TCF20: variants seen among roughly 807,000 people sequenced by gnomAD.
The protein encoded by TCF20 is SPRE-binding protein.
A neutral mutation model predicts 148.6 loss-of-function variants in TCF20; 3 were observed. The ratio of observed to expected loss-of-function variants is 0.02; its 90% CI spans 0.01 to 0.05. The LOEUF (loss-of-function observed/expected upper bound fraction) is 0.05, where lower values mean the gene tolerates loss of function less well. TCF20 is among the 10% of genes least tolerant of loss of function. TCF20 has a pLI of 1.00. For synonymous variants in TCF20, 1,049 were observed against 909.5 expected (o/e 1.15, Z -2.76); for missense variants, 2,350 against 2,429.3 (o/e 0.97, Z 0.69).
chr22:42,300,620 G>A (rs1927320331), intron 1 of TCF20, among the ~76,000 whole-genome samples: 1 of 152,134 alleles, frequency 6.6e-6, no homozygotes, highest in Non-Finnish European at 1.5e-5. Context: ...GAAGCCTCCT[G>A]CGGTCAGCAG....
At chr22:42,341,328 C>T (rs1009867235) in intron 1 of TCF20, among the ~76,000 whole-genome samples, 3 of 152,150 alleles carry the variant, frequency 2.0e-5, no homozygotes, top group South Asian at 2.1e-4. Flanking sequence ...CCCTGGCGCT[C>T]GGCCAGAGGG....
intron 1 of TCF20, among the ~76,000 whole-genome samples, chr22:42,220,318 A>G (rs1922238506): frequency 6.6e-6 from 1 of 152,004 alleles, no homozygotes; most frequent in African/African-American, 2.4e-5. Context: ...CAGGCATGGG[A>G]CCCCTGGCTA....
At chr22:42,190,247 C>T (rs958785300) in intron 2 of TCF20, among the ~76,000 whole-genome samples, 3 of 152,004 alleles carry the variant, frequency 2.0e-5, no homozygotes, top group African/African-American at 7.2e-5. Context: ...CTGCCTGAGG[C>T]CAGGAGTTCA....
At chr22:42,342,163 C>T (rs1357031229) in intron 1 of TCF20, among the ~76,000 whole-genome samples, 2 of 152,056 alleles carry the variant, frequency 1.3e-5, no homozygotes, top group Non-Finnish European at 2.9e-5. Context: ...TTGTGGACAG[C>T]TGAAGAGTTT....
chr22:42,336,265 T>C (rs533481629), intron 1 of TCF20, among the ~76,000 whole-genome samples: 1 of 152,208 alleles, frequency 6.6e-6, no homozygotes, highest in African/African-American at 2.4e-5. Context: ...TGACCTGGCA[T>C]GGCTCGGGTA....
chr22:42,231,199 T>C (rs1024125858), intron 1 of TCF20, among the ~76,000 whole-genome samples: 4 of 152,078 alleles, frequency 2.6e-5, no homozygotes, highest in African/African-American at 7.2e-5. Flanking sequence ...GCTTATAAAG[T>C]GGCTAGGCCT....
chr22:42,197,303 C>A (rs1330261823), intron 2 of TCF20, among the ~76,000 whole-genome samples: 1 of 151,044 alleles, frequency 6.6e-6, no homozygotes, highest in African/African-American at 2.4e-5. Flanking sequence ...CTATCATCAT[C>A]TAATTTACAG....
At chr22:42,255,926 C>T (rs1468297171) in intron 1 of TCF20, among the ~76,000 whole-genome samples, 1 of 152,160 alleles carries the variant, frequency 6.6e-6, no homozygotes, top group Non-Finnish European at 1.5e-5. Flanking sequence ...CCCTTCTGAC[C>T]TTCCCCTCTG....
chr22:42,198,962 GCCC>G (rs1937786227), intron 2 of TCF20, among the ~76,000 whole-genome samples: 2 of 152,112 alleles, frequency 1.3e-5, no homozygotes, highest in Admixed American at 1.3e-4. Context: ...ACTGCGCCCT[GCCC>G]CCTCCAAATA....
At chr22:42,215,480 G>A in intron 1 of TCF20, 139 bp from the exon 2 acceptor site, 3 of 1,076,294 alleles carry the variant, frequency 2.8e-6, no homozygotes, top group South Asian at 3.8e-5. Flanking sequence ...TTTTTTTTTT[G>A]GTTTTTTGAG....
intron 1 of TCF20, among the ~76,000 whole-genome samples, chr22:42,250,975 G>A (rs942372532): frequency 2.6e-5 from 4 of 152,136 alleles, no homozygotes; most frequent in Admixed American, 6.5e-5. Flanking sequence ...GTCGCTCACC[G>A]TCTCGAGGAC....
intron 5 of TCF20, among the ~76,000 whole-genome samples, chr22:42,167,734 T>G (rs1387801728): frequency 6.6e-6 from 1 of 152,058 alleles, no homozygotes; most frequent in Non-Finnish European, 1.5e-5. Flanking sequence ...TTTTTTTTCT[T>G]TTTTTGAGAC....
Position 42,160,530 on chromosome 22 carries a change from T to G in TCF20, c.*873A>C, listed in dbSNP as rs1178329193. ...GAGGAGGGTCATCCCTTGATTTTGCTGCTGCTGTGTACACTTGATGGGGTC... is the reference window on the plus strand; with the variant it reads ...GAGGAGGGTCATCCCTTGATTTTGCGGCTGCTGTGTACACTTGATGGGGTC... On this transcript the variant is annotated 3_prime_UTR_variant, in exon 6 of 6. Transcript: ENST00000677622. 2 of 152,592 alleles carry G rather than the reference T, an allele frequency of 1.3e-5. No homozygotes were observed. The highest frequency in any genetic ancestry group is 2.9e-5 in the Non-Finnish European group (2 of 68,102). 9.5% of individuals were successfully genotyped at this position (152,592 alleles called of 1,614,324 possible). A position where few individuals can be genotyped will look rare whatever the true frequency, so the allele number is the denominator to read the frequency against.
At chr22:42,331,281 C>T (rs901408354) in intron 1 of TCF20, among the ~76,000 whole-genome samples, 8 of 152,202 alleles carry the variant, frequency 5.3e-5, no homozygotes, top group African/African-American at 1.9e-4. Flanking sequence ...GCACAGCTCC[C>T]GGCAGAGACC....
At chr22:42,242,558 T>G (rs1188085566) in intron 1 of TCF20, among the ~76,000 whole-genome samples, 1 of 152,038 alleles carries the variant, frequency 6.6e-6, no homozygotes, top group Non-Finnish European at 1.5e-5. Context: ...GAGCTCAAAG[T>G]CAAGGATTTA....
intron 1 of TCF20, among the ~76,000 whole-genome samples, chr22:42,308,979 G>A (rs1291530644): frequency 2.0e-5 from 3 of 152,154 alleles, no homozygotes; most frequent in Non-Finnish European, 2.9e-5. Context: ...AGCTTACTGA[G>A]AGCAGAGGGG....
Position 42,212,294 on chromosome 22 carries a change from C to T in TCF20, c.3012G>A (p.Arg1004=), listed in dbSNP as rs766729447. Residue 1004 remains arginine, a synonymous_variant, in exon 2 of 6, where the codon CGG becomes CGA. Transcript: ENST00000677622. ...CAAAGTCATGATATTGAGAAGGGGA[C>T]CGACCCCTCATGCCCTCCCGACCAC... is the stretch of plus-strand genomic sequence containing the variant. ...RVGGREGMRG[R]SPSQYHDFAE... is the part of the protein sequence containing the mutation. The T allele has an allele frequency of 1.7e-5, 27 of 1,614,170 alleles. No individual in the cohort carries two copies. The highest frequency in any genetic ancestry group is 2.1e-5 in the Non-Finnish European group (25 of 1,180,030).
chr22:42,213,713 G>T lies in TCF20; in HGVS notation c.1593C>A (p.Gly531=). ...GGCSSSSEDQ[G]ERVRQLSGQS... The stretch of plus-strand genomic sequence containing the variant: ...GGCCACTTAGTTGCCGCACTCTCTC[G>T]CCTTGATCCTCTGAACTGCTGGAGC... Residue 531 remains glycine (G), a synonymous_variant, in exon 2 of 6, where the codon GGC becomes GGA. Coordinates refer to ENST00000677622, the MANE Select transcript of TCF20 (RefSeq NM_001378418.1). The T allele has an allele frequency of 1.2e-6, 2 of 1,613,982 alleles. No individual in the cohort carries two copies. The highest frequency in any genetic ancestry group is 1.7e-6 in the Non-Finnish European group (2 of 1,179,932).
At chr22:42,174,983 C>A (rs1020891629) in intron 3 of TCF20, among the ~76,000 whole-genome samples, 3 of 150,786 alleles carry the variant, frequency 2.0e-5, no homozygotes, top group Non-Finnish European at 4.4e-5. Flanking sequence ...TGCAGTGAGC[C>A]GAGATCGCGC....
Sources: allele counts gnomAD v4.1 joint callset (sites outside exome capture counted in the v4.1 genomes callset), GRCh38; gene constraint gnomAD v4.1.1; transcripts MANE v1.5; gene names NCBI Gene and HGNC (gene_info 2026-07-23, HGNC 2026-07-21).